TRIP4: variants seen among roughly 807,000 people sequenced by gnomAD.
TRIP4 encodes thyroid hormone receptor interactor 4.
Under a neutral mutation model 81.8 loss-of-function variants are expected in TRIP4, and 54 were observed. The ratio of observed to expected loss-of-function variants is 0.66; its 90% CI spans 0.53 to 0.83. The LOEUF is 0.83. Among genes scored for constraint, TRIP4 ranks in the 40% least tolerant of loss-of-function variants. TRIP4 has a pLI of 0.00. For missense variants in TRIP4, 662 were observed against 683.6 expected (o/e 0.97, Z 0.35); for synonymous variants, 270 against 242.8 (o/e 1.11, Z -1.04).
At chr15:64,422,351 C>G (rs1892039303) in intron 9 of TRIP4, among the ~76,000 whole-genome samples, 1 of 152,174 alleles carries the variant, frequency 6.6e-6, no homozygotes, top group Non-Finnish European at 1.5e-5. Flanking sequence ...CTCTACTTTA[C>G]TTAAAAGCAA....
chr15:64,422,045 G>A (rs1346937396), intron 9 of TRIP4, among the ~76,000 whole-genome samples: 1 of 151,084 alleles, frequency 6.6e-6, no homozygotes, highest in Non-Finnish European at 1.5e-5. Flanking sequence ...AAAAAAAAGA[G>A]CAAGAGGCTA....
At position 64,396,266 on chromosome 15, in the gene TRIP4, C is replaced by CTT. The variant is rs60341744; in HGVS notation, c.405+762_405+763dup. 4.6e-4 allele frequency among the ~76,000 whole-genome samples: 30 copies of CTT among 64,718 alleles called. 6 individuals carry two copies. Among genetic ancestry groups the CTT allele is most frequent in the African/African-American group, 1.5e-3 (27 of 17,584 alleles). The allele number at this position is 64,718 out of a possible 152,430, so 42.5% of individuals were successfully genotyped here. A position where few individuals can be genotyped will look rare whatever the true frequency, so the allele number is the denominator to read the frequency against. ...TAGTGTGTACTCTTGTATCTAGCTG[C>CTT]TTTTTTTTTTTTTTTTTTTTTTTTT... On this transcript the variant is annotated intron_variant, in intron 3 of 12. Coordinates refer to ENST00000261884, the MANE Select transcript of TRIP4 (RefSeq NM_016213.5).
At chr15:64,431,289 C>T (rs1009951349) in intron 11 of TRIP4, among the ~76,000 whole-genome samples, 1 of 151,968 alleles carries the variant, frequency 6.6e-6, no homozygotes, top group Admixed American at 6.6e-5. Context: ...TTATCTGAGA[C>T]TCAACAAGAA....
chr15:64,417,965 G>GAA (rs1392748710), intron 8 of TRIP4, among the ~76,000 whole-genome samples: 1 of 152,152 alleles, frequency 6.6e-6, no homozygotes, highest in Non-Finnish European at 1.5e-5. Context: ...GCTGTTGCTG[G>GAA]AATTAGTAAG....
At chr15:64,450,471 T>A (rs7172012) in intron 12 of TRIP4, among the ~76,000 whole-genome samples, 131,623 of 151,510 alleles carry the variant, frequency 0.87, 58,360 homozygotes, top group East Asian at 0.96. Context: ...CTCAGAGCTT[T>A]GAGTTCCTGC....
At chr15:64,420,968 C>T (rs1011294469) in intron 9 of TRIP4, among the ~76,000 whole-genome samples, 3 of 151,924 alleles carry the variant, frequency 2.0e-5, no homozygotes, top group African/African-American at 4.8e-5. Flanking sequence ...TGCTGCATAA[C>T]GACTTTTCAA....
chr15:64,398,884 A>G (rs1900373618), intron 4 of TRIP4, among the ~76,000 whole-genome samples: 1 of 139,368 alleles, frequency 7.2e-6, no homozygotes. Flanking sequence ...CATCCGTTTT[A>G]TATTACTTCA....
chr15:64,417,015 T>C (rs1891903240), intron 8 of TRIP4, among the ~76,000 whole-genome samples: 1 of 152,152 alleles, frequency 6.6e-6, no homozygotes, highest in Non-Finnish European at 1.5e-5. Flanking sequence ...TGTTCATTTT[T>C]ATTTATTTTT....
At position 64,397,687 on chromosome 15, in the gene TRIP4, G is replaced by A. The variant is rs746409740; in HGVS notation, c.487G>A (p.Val163Ile). 3.7e-6 allele frequency: 6 copies of A among 1,614,250 alleles called. No homozygotes were observed. The highest frequency in any genetic ancestry group is 1.7e-5 in the Admixed American group (1 of 60,016). The stretch of plus-strand genomic sequence containing the variant: ...AAGAGAGGGACAGGACAGGCTTGCA[G>A]TCCTGCTCCCTGGTCGTCACCCTTG... ...YTREGQDRLA[V>I]LLPGRHPCDC... Residue 163 changes from valine (V) to isoleucine (I), a missense_variant, in exon 4 of 13, where the codon GTC becomes ATC. Transcript: ENST00000261884.
rs1900266562 is a variant in TRIP4 at position 64,395,529 on chromosome 15, A to G, written c.403A>G (p.Lys135Glu). 6.2e-7 allele frequency: 1 copy of G among 1,609,624 alleles called. No homozygotes were observed. Among genetic ancestry groups the G allele is most frequent in the South Asian group, 1.1e-5 (1 of 89,988 alleles). The part of the protein sequence containing the change: ...AEVKTPFDLA[K>E]AQENSNSVKK... ...GGTTAAAACACCTTTTGATTTGGCC[A>G]AGGTGAGTGCTTATAGATTGAAGCT... is the stretch of plus-strand genomic sequence containing the variant. The change falls in exon 3 of 13, where the codon AAG (lysine) becomes GAG (glutamate). Residue 135 changes from lysine (K) to glutamate (E), a missense_variant and splice_region_variant. Transcript: ENST00000261884.
chr15:64,451,408 CCTGAAACA>C (rs1892753583), intron 12 of TRIP4, among the ~76,000 whole-genome samples: 3 of 151,110 alleles, frequency 2.0e-5, no homozygotes, highest in Admixed American at 2.0e-4. Flanking sequence ...CCACACCTGG[CCTGAAACA>C]CTTTAATATA....
At position 64,401,047 on chromosome 15, in the gene TRIP4, C is replaced by T. The variant is rs566738385; in HGVS notation, c.697+226C>T. Among the ~76,000 whole-genome samples the T allele has an allele frequency of 3.3e-5, 5 of 152,114 alleles. No homozygotes were observed. In the East Asian group the frequency reaches 5.8e-4, roughly 18 times the overall value. On this transcript the variant is annotated intron_variant, in intron 5 of 12. Coordinates refer to ENST00000261884, the MANE Select transcript of TRIP4 (RefSeq NM_016213.5). ...CGCGATCTTGGCTTACTGCAACCTC[C>T]GCCTCCTGGGTTCAAGTGATTCTCC...
chr15:64,415,929 T>C (rs1409008610), intron 8 of TRIP4, among the ~76,000 whole-genome samples: 1 of 152,096 alleles, frequency 6.6e-6, no homozygotes, highest in East Asian at 1.9e-4. Flanking sequence ...ACGTAGAGAA[T>C]GGATTGGAGG....
chr15:64,399,595 A>G (rs1414221835), intron 4 of TRIP4, among the ~76,000 whole-genome samples: 3 of 151,886 alleles, frequency 2.0e-5, no homozygotes, highest in African/African-American at 7.3e-5. Context: ...TCCTGGGTTC[A>G]AGTTCAAGTG....
At chr15:64,412,754 A>T (rs1891797074) in intron 7 of TRIP4, among the ~76,000 whole-genome samples, 2 of 152,204 alleles carry the variant, frequency 1.3e-5, no homozygotes, top group South Asian at 4.1e-4. Flanking sequence ...TTTGTCAAGC[A>T]TCCAACAGGA....
chr15:64,421,234 A>T (rs896756485), intron 9 of TRIP4, among the ~76,000 whole-genome samples: 10 of 151,040 alleles, frequency 6.6e-5, no homozygotes, highest in African/African-American at 2.4e-4. Context: ...GTGAGCCAAG[A>T]TTGCATCATT....
At chr15:64,436,947 TC>T (rs1338528098) in intron 11 of TRIP4, among the ~76,000 whole-genome samples, 1 of 151,476 alleles carries the variant, frequency 6.6e-6, no homozygotes, top group African/African-American at 2.4e-5. Flanking sequence ...GACCTCATGA[TC>T]TGCCTGCCTC....
intron 11 of TRIP4, among the ~76,000 whole-genome samples, chr15:64,433,976 A>G (rs1892335053): frequency 6.6e-6 from 1 of 152,084 alleles, no homozygotes; most frequent in Non-Finnish European, 1.5e-5. Flanking sequence ...GCCCAGGACA[A>G]TTCTTCCAGC....
At chr15:64,408,502 G>T (rs983174751) in intron 6 of TRIP4, among the ~76,000 whole-genome samples, 1 of 147,178 alleles carries the variant, frequency 6.8e-6, no homozygotes, top group Non-Finnish European at 1.5e-5. Flanking sequence ...CTTGTGATCC[G>T]TCCGCCTCAG....
Sources: allele counts gnomAD v4.1 joint callset (sites outside exome capture counted in the v4.1 genomes callset), GRCh38; gene constraint gnomAD v4.1.1; transcripts MANE v1.5; gene names NCBI Gene and HGNC (gene_info 2026-07-23, HGNC 2026-07-21).